Variants in MED29 observed in about 807,000 individuals in gnomAD.
MED29 encodes mediator of RNA polymerase II transcription subunit 29.
Under a neutral mutation model 22.0 loss-of-function variants are expected in MED29, and 14 were observed. That is an observed-to-expected ratio of 0.64 (90% CI 0.42 to 0.99). The LOEUF is 0.99. Ranked by LOEUF, MED29 falls within the 50% of genes least tolerant of loss-of-function variation. The pLI is 0.00. For missense variants in MED29, 241 were observed against 253.7 expected (o/e 0.95, Z 0.34); for synonymous variants, 123 against 107.8 (o/e 1.14, Z -0.87).
chr19:39,392,447 G>T lies in MED29; in HGVS notation c.217-17G>T. ...TGTTTTTCCATTTCCCACGTGTTTT[G>T]TTTTTGTTTTGACTAGACCTTGATG... is the stretch of plus-strand genomic sequence containing the variant. On this transcript the variant is annotated splice_polypyrimidine_tract_variant and intron_variant, in intron 1 of 3. Transcript: ENST00000315588. 1 of 1,613,310 alleles carries T rather than the reference G, an allele frequency of 6.2e-7. No homozygotes were observed. The highest frequency in any genetic ancestry group is 8.5e-7 in the Non-Finnish European group (1 of 1,179,472).
At position 39,392,602 on chromosome 19, in the gene MED29, C is replaced by T. The variant is rs751389429; in HGVS notation, c.275+80C>T. 1.8e-5 allele frequency: 22 copies of T among 1,234,660 alleles called. No individual in the cohort carries two copies. In the South Asian group the frequency reaches 2.8e-4, roughly 16 times the overall value. 76.5% of individuals were successfully genotyped at this position (1,234,660 alleles called of 1,614,324 possible). On this transcript the variant is annotated intron_variant, in intron 2 of 3. Coordinates refer to ENST00000315588, the MANE Select transcript of MED29 (RefSeq NM_017592.4). ...TCATCTTTCCTTCTCCTGCTCCCCG[C>T]CCACCTCACCTTCTATATTTACTTT...
chr19:39,392,390 AAG>A (rs2078391593), intron 1 of MED29, 72 bp from the exon 2 acceptor site: 1 of 1,305,994 alleles, frequency 7.7e-7, no homozygotes, highest in Admixed American at 1.7e-5. Context: ...GATCTCAAGA[AAG>A]AGTGTAGATC....
chr19:39,393,606 A>T lies in MED29; in HGVS notation c.329A>T (p.Tyr110Phe), dbSNP rs552907980. Residue 110 changes from tyrosine to phenylalanine, a missense_variant, in exon 3 of 4, where the codon TAT (tyrosine) becomes TTT (phenylalanine). Physicochemically the swap from Tyr to Phe is conservative, Grantham distance 22. Transcript: ENST00000315588. ...TTTGACAAGTGCCTGGAAGAGTTCT[A>T]TGCACTCTGTGACCAGCTGGAGCTG... Reference protein sequence around the residue: ...QRFDKCLEEFYALCDQLELCL... With the variant: ...QRFDKCLEEFFALCDQLELCL... 1 of 1,614,156 alleles carries T rather than the reference A, an allele frequency of 6.2e-7. No homozygotes were observed. Among genetic ancestry groups the T allele is most frequent in the Non-Finnish European group, 8.5e-7 (1 of 1,179,996 alleles).
chr19:39,391,743 A>G, intron 1 of MED29, 105 bp downstream of exon 1: 1 of 1,374,602 alleles, frequency 7.3e-7, no homozygotes, highest in Non-Finnish European at 9.8e-7. Flanking sequence ...AGAGGAATAG[A>G]ACCTGCTGTT....
chr19:39,394,567 T>A (rs2078418038), intron 3 of MED29, among the ~76,000 whole-genome samples: 2 of 136,366 alleles, frequency 1.5e-5, no homozygotes, highest in African/African-American at 5.6e-5. Flanking sequence ...TTTTTTTTTT[T>A]TTTTTTTTTT....
At chr19:39,395,168 A>C (rs1161012519) in intron 3 of MED29, among the ~76,000 whole-genome samples, 1 of 152,152 alleles carries the variant, frequency 6.6e-6, no homozygotes, top group Non-Finnish European at 1.5e-5. Flanking sequence ...TTGAAGGAAA[A>C]GTGGGAGGTT....
At chr19:39,392,628 T>G in intron 2 of MED29, 106 bp downstream of exon 2, 1 of 788,214 alleles carries the variant, frequency 1.3e-6, no homozygotes, top group Non-Finnish European at 1.9e-6. Flanking sequence ...TATTTACTTT[T>G]TTTTTTTTTT....
At position 39,398,875 on chromosome 19, in the gene MED29, A is replaced by G. The variant is rs1342569938; in HGVS notation, c.*1176A>G. 1 of 152,186 alleles carries G rather than the reference A, an allele frequency of 6.6e-6. No homozygotes were observed. The highest frequency in any genetic ancestry group is 1.9e-4 in the East Asian group (1 of 5,202). The allele number at this position is 152,186 out of a possible 1,614,324, so 9.4% of individuals were successfully genotyped here. A position where few individuals can be genotyped will look rare whatever the true frequency, so the allele number is the denominator to read the frequency against. On this transcript the variant is annotated 3_prime_UTR_variant, in exon 4 of 4. Transcript: ENST00000315588. The stretch of plus-strand genomic sequence containing the variant: ...CCCACGTCTGCAAGGAAACCCTAGG[A>G]CCATGGATACCTCTGTGATTCACGC...
At chr19:39,396,210 G>A (rs2078427543) in intron 3 of MED29, among the ~76,000 whole-genome samples, 1 of 152,222 alleles carries the variant, frequency 6.6e-6, no homozygotes, top group Non-Finnish European at 1.5e-5. Context: ...GGAGCCTGAG[G>A]CGGGCAGATC....
intron 3 of MED29, among the ~76,000 whole-genome samples, chr19:39,395,734 C>T (rs1203012784): frequency 5.9e-5 from 9 of 151,718 alleles, no homozygotes; most frequent in Admixed American, 3.9e-4. Context: ...CTGGCTAACA[C>T]GATGAAACCC....
intron 3 of MED29, 136 bp from the exon 4 acceptor site, chr19:39,397,321 G>A: frequency 2.2e-6 from 2 of 921,798 alleles, no homozygotes; most frequent in South Asian, 1.6e-5. Flanking sequence ...CCCAGCAAAT[G>A]ACTGGCAGGG....
Position 39,391,415 on chromosome 19 carries a change from C to G in MED29, c.-8C>G, listed in dbSNP as rs777298003. 2 of 1,611,388 alleles carry G rather than the reference C, an allele frequency of 1.2e-6. No homozygotes were observed. Among genetic ancestry groups the G allele is most frequent in the South Asian group, 1.1e-5 (1 of 90,980 alleles). ...CGTAACGCACTTCCGGCGGTCTACG[C>G]GAGGAAGATGGCTGCATCCCAGCAG... On this transcript the variant is annotated 5_prime_UTR_variant, in exon 1 of 4. Transcript: ENST00000315588.
rs376205266 is a variant in MED29 at position 39,394,958 on chromosome 19, T to C, written c.360+1321T>C. 3.0e-5 allele frequency among the ~76,000 whole-genome samples: 4 copies of C among 133,590 alleles called. 1 individual carries two copies. The highest frequency in any genetic ancestry group is 1.3e-4 in the African/African-American group (4 of 31,932). 87.6% of individuals were successfully genotyped at this position (133,590 alleles called of 152,430 possible). On this transcript the variant is annotated intron_variant, in intron 3 of 3. Coordinates refer to ENST00000315588, the MANE Select transcript of MED29 (RefSeq NM_017592.4). ...TCACTGCAGCCTCTACTTCCTGGGC[T>C]GAAGTGATCCTCCCACCTCAAAGTA...
chr19:39,391,541 G>T lies in MED29; in HGVS notation c.119G>T (p.Gly40Val). 4 of 1,613,752 alleles carry T rather than the reference G, an allele frequency of 2.5e-6. No individual in the cohort carries two copies. The highest frequency in any genetic ancestry group is 3.4e-6 in the Non-Finnish European group (4 of 1,180,004). ...QQPQPPAQLV[G>V]PAQSGLLQQQ... ...CCGCAACCGCCAGCACAACTGGTGG[G>T]CCCTGCCCAGAGCGGCCTCCTGCAG... is the stretch of plus-strand genomic sequence containing the variant. Residue 40 changes from glycine (G) to valine (V), a missense_variant, in exon 1 of 4, where the codon GGC (glycine) becomes GTC (valine). Coordinates refer to ENST00000315588, the MANE Select transcript of MED29 (RefSeq NM_017592.4).
At chr19:39,393,469 C>G (rs2078410943) in intron 2 of MED29, 84 bp from the exon 3 acceptor site, 2 of 1,269,110 alleles carry the variant, frequency 1.6e-6, no homozygotes, top group Admixed American at 3.4e-5. Context: ...ACCTGGTTTC[C>G]TGATGGACAC....
Position 39,392,467 on chromosome 19 carries a change from T to C in MED29, c.220T>C (p.Leu74=). The change falls in exon 2 of 4, where the codon TTG becomes CTG. Residue 74 remains leucine, a synonymous_variant. Transcript: ENST00000315588. Reference sequence around the variant, plus strand: ...GTTTTGTTTTTGTTTTGACTAGACCTTGATGAAGGTTGCGGCCCAAAACTT... The same window carrying C: ...GTTTTGTTTTTGTTTTGACTAGACCCTGATGAAGGTTGCGGCCCAAAACTT... ...IPQLKESLQT[L]MKVAAQNLIQ... The C allele has an allele frequency of 5.0e-6, 8 of 1,614,054 alleles. No homozygotes were observed. Among genetic ancestry groups the C allele is most frequent in the Non-Finnish European group, 5.9e-6 (7 of 1,179,982 alleles).
intron 2 of MED29, 76 bp downstream of exon 2, chr19:39,392,598 C>A: frequency 7.7e-7 from 1 of 1,300,272 alleles, no homozygotes; most frequent in Non-Finnish European, 1.1e-6. Context: ...TCTCCTGCTC[C>A]CCGCCCACCT....
Position 39,393,535 on chromosome 19 carries a change from T to G in MED29, c.276-18T>G, listed in dbSNP as rs1261024380. The G allele has an allele frequency of 6.2e-7, 1 of 1,606,160 alleles. No homozygotes were observed. Among genetic ancestry groups the G allele is most frequent in the East Asian group, 2.2e-5 (1 of 44,776 alleles). ...TTAGAAATCAATTCTTCAGACATCC[T>G]TTTTTCCTTGTCTGTAGAAAGAGCA... On this transcript the variant is annotated intron_variant, in intron 2 of 3. Coordinates refer to ENST00000315588, the MANE Select transcript of MED29 (RefSeq NM_017592.4).
intron 2 of MED29, among the ~76,000 whole-genome samples, chr19:39,393,056 TTTTCTTTCTTTC>T (rs869056810): frequency 6.0e-5 from 8 of 134,386 alleles, no homozygotes; most frequent in African/African-American, 2.1e-4. Flanking sequence ...AGCCTTTTCC[TTTTCTTTCTTTC>T]TTTCTTTCTT....
Sources: allele counts gnomAD v4.1 joint callset (sites outside exome capture counted in the v4.1 genomes callset), GRCh38; gene constraint gnomAD v4.1.1; transcripts MANE v1.5; gene names NCBI Gene and HGNC (gene_info 2026-07-23, HGNC 2026-07-21).